The following PNPLA6 variants were observed in gnomAD, a reference collection of about 807,000 sequenced individuals.
PNPLA6 encodes the protein patatin like domain 6, lysophospholipase.
A neutral mutation model predicts 153.7 loss-of-function variants in PNPLA6; 105 were observed. The observed-to-expected ratio is 0.68, with a 90% CI of 0.58 to 0.80. PNPLA6 has a LOEUF of 0.80. Ranked by LOEUF, PNPLA6 falls within the 30% of genes least tolerant of loss-of-function variation. The pLI is 0.00. For missense variants in PNPLA6, 1,423 were observed against 1,919.3 expected, an observed-to-expected ratio of 0.74 and a Z score of 4.83; for synonymous variants, 825 against 822.2, an observed-to-expected ratio of 1.00 and a Z score of -0.06.
chr19:7,535,248 CG>C (rs1364199842), upstream of PNPLA6: 10 of 568,950 alleles, frequency 1.8e-5, no homozygotes, highest in Non-Finnish European at 3.2e-5. This position sits in a 1 kb window ranked among gnomAD's most constrained non-coding sequence, Gnocchi z 5.0. Flanking sequence ...GTTGGACAGG[CG>C]GGCGTCTGGT....
intron 13 of PNPLA6, among the ~76,000 whole-genome samples, chr19:7,547,868 G>T (rs1343884864): frequency 7.5e-5 from 8 of 106,746 alleles, no homozygotes; most frequent in East Asian, 2.9e-4. Context: ...TCACTATGTT[G>T]CCCAGGCTGG....
At chr19:7,535,109 G>T (rs1006700772), upstream of PNPLA6, 5 of 270,408 alleles carry the variant, frequency 1.8e-5, no homozygotes, top group Admixed American at 2.3e-4. The surrounding 1 kb of genome is among the most constrained non-coding windows in gnomAD (Gnocchi z 5.0). Flanking sequence ...GGGTGGTCAG[G>T]CTTGATCAAC....
Position 7,561,476 on chromosome 19 carries a change from C to T in PNPLA6, c.4024-12C>T. On this transcript the variant is annotated splice_polypyrimidine_tract_variant and intron_variant, in intron 31 of 31. Coordinates refer to ENST00000600737, the MANE Select transcript of PNPLA6 (RefSeq NM_001166114.2). ...CCGTGCTGGGTGACGTGTGTGTGACCTTCCCTCGCAGGAGGAGGAGAAGTC... is the reference window on the plus strand; with the variant it reads ...CCGTGCTGGGTGACGTGTGTGTGACTTTCCCTCGCAGGAGGAGGAGAAGTC... The T allele has an allele frequency of 6.2e-7, 1 of 1,600,936 alleles. No individual in the cohort carries two copies. Among genetic ancestry groups the T allele is most frequent in the Non-Finnish European group, 8.5e-7 (1 of 1,173,466 alleles).
In PNPLA6 at chr19:7,535,956, C is replaced by A; in HGVS notation, c.168C>A (p.Ala56=). 6.3e-7 allele frequency: 1 copy of A among 1,584,452 alleles called. No homozygotes were observed. Among genetic ancestry groups the A allele is most frequent in the Non-Finnish European group, 8.6e-7 (1 of 1,168,372 alleles). ...AGGTGCTTGGCGTGATGATCGGGGC[C>A]GGAGTGGCGGTGGTGGTCACGGCCG... ...VPQVLGVMIG[A]GVAVVVTAVL... is the part of the protein sequence containing the mutation. The change falls in exon 1 of 32, where the codon GCC becomes GCA. Residue 56 remains alanine (A), a synonymous_variant. Coordinates refer to ENST00000600737, the MANE Select transcript of PNPLA6 (RefSeq NM_001166114.2). This position sits in a 1 kb window ranked among gnomAD's most constrained non-coding sequence, Gnocchi z 5.0.
At chr19:7,539,241 G>A (rs2023009432) in intron 3 of PNPLA6, among the ~76,000 whole-genome samples, 1 of 152,246 alleles carries the variant, frequency 6.6e-6, no homozygotes, top group African/African-American at 2.4e-5. Flanking sequence ...ACTTTGGGAG[G>A]CTGAGGCGGG....
In PNPLA6 at chr19:7,561,585, C is replaced by T. The variant is rs764341736; in HGVS notation, c.*23C>T. 2.0e-6 allele frequency: 3 copies of T among 1,532,904 alleles called. No individual in the cohort carries two copies. Among genetic ancestry groups the T allele is most frequent in the Admixed American group, 3.8e-5 (2 of 53,274 alleles). 95.0% of individuals were successfully genotyped at this position (1,532,904 alleles called of 1,614,324 possible). A position where few individuals can be genotyped will look rare whatever the true frequency, so the allele number is the denominator to read the frequency against. On this transcript the variant is annotated 3_prime_UTR_variant, in exon 32 of 32. Transcript: ENST00000600737. ...TGAGGACCTCGACAGGGGTCACCCC[C>T]TCCCTCCCACCCCTGGACTGGGCTG...
At position 7,540,532 on chromosome 19, in the gene PNPLA6, G is replaced by A. The variant is rs957228043; in HGVS notation, c.715-98G>A. 9 of 1,118,698 alleles carry A rather than the reference G, an allele frequency of 8.0e-6. No homozygotes were observed. The African/African-American group carries it at 1.1e-4, about 13-fold the overall frequency. The allele number at this position is 1,118,698 out of a possible 1,614,324, so 69.3% of individuals were successfully genotyped here. ...AAGGGTTGGTGGGTTCCCCTGAGAA[G>A]GGATGAGAAGTGTCAGTGATCATTG... On this transcript the variant is annotated intron_variant, in intron 5 of 31. Transcript: ENST00000600737. The surrounding 1 kb of genome is among the most constrained non-coding windows in gnomAD (Gnocchi z 6.8).
At position 7,555,362 on chromosome 19, in the gene PNPLA6, G is replaced by A. The variant is rs1308506965; in HGVS notation, c.2931G>A (p.Gly977=). 2 of 1,542,700 alleles carry A rather than the reference G, an allele frequency of 1.3e-6. No homozygotes were observed. Among genetic ancestry groups the A allele is most frequent in the Non-Finnish European group, 1.8e-6 (2 of 1,139,976 alleles). Reference sequence around the variant, plus strand: ...TTGCCCTTGTGCTAGGCGGGGGCGGGGCCAGGTGAGGGCGGGGCTTGCTCT... The same window carrying A: ...TTGCCCTTGTGCTAGGCGGGGGCGGAGCCAGGTGAGGGCGGGGCTTGCTCT... ...NTIALVLGGG[G]ARGCSHIGVL... The change falls in exon 23 of 32, where the codon GGG becomes GGA. Residue 977 remains glycine, a synonymous_variant. Transcript: ENST00000600737. This position sits in a 1 kb window ranked among gnomAD's most constrained non-coding sequence, Gnocchi z 6.3.
intron 18 of PNPLA6, 66 bp downstream of exon 18, chr19:7,551,503 G>A: frequency 1.5e-6 from 2 of 1,349,482 alleles, no homozygotes; most frequent in Non-Finnish European, 2.1e-6. Flanking sequence ...TGCTGGGAGG[G>A]AAGCCTTCTT....
chr19:7,559,892 C>A lies in PNPLA6; in HGVS notation c.3699+741C>A, dbSNP rs1464665178. Among the ~76,000 whole-genome samples the A allele has an allele frequency of 2.8e-5, 4 of 144,772 alleles. No homozygotes were observed. The South Asian group carries it at 8.7e-4, about 32-fold the overall frequency. The allele number at this position is 144,772 out of a possible 152,430, so 95.0% of individuals were successfully genotyped here. A position where few individuals can be genotyped will look rare whatever the true frequency, so the allele number is the denominator to read the frequency against. On this transcript the variant is annotated intron_variant, in intron 28 of 31. Coordinates refer to ENST00000600737, the MANE Select transcript of PNPLA6 (RefSeq NM_001166114.2). ...TGGTGGCTCATGCATTTAATCCCAGCATTTTGGGAGGCCGAGGTGGGCAGA... is the reference window on the plus strand; with the variant it reads ...TGGTGGCTCATGCATTTAATCCCAGAATTTTGGGAGGCCGAGGTGGGCAGA...
intron 2 of PNPLA6, 77 bp from the exon 3 acceptor site, chr19:7,536,372 G>A: frequency 7.2e-7 from 1 of 1,395,212 alleles, no homozygotes; most frequent in Non-Finnish European, 1.0e-6. Context: ...TTCCTTGATG[G>A]AGACCCCCTG....
At chr19:7,556,210 G>A (rs916187414) in intron 24 of PNPLA6, among the ~76,000 whole-genome samples, 9 of 151,824 alleles carry the variant, frequency 5.9e-5, no homozygotes, top group East Asian at 1.9e-4. Flanking sequence ...TTACAGGCAC[G>A]CCCCACCAGC....
chr19:7,540,081 G>C lies in PNPLA6; in HGVS notation c.554+23G>C, dbSNP rs768391928. The stretch of plus-strand genomic sequence containing the variant: ...CCGGTCAGTGTTGGGGTGCAGGTGG[G>C]GGTGGAGGGCTGCAGACGTGGGGCC... On this transcript the variant is annotated intron_variant, in intron 4 of 31. Coordinates refer to ENST00000600737, the MANE Select transcript of PNPLA6 (RefSeq NM_001166114.2). This position sits in a 1 kb window ranked among gnomAD's most constrained non-coding sequence, Gnocchi z 6.8. 3.1e-6 allele frequency: 5 copies of C among 1,614,034 alleles called. No individual in the cohort carries two copies. Among genetic ancestry groups the C allele is most frequent in the Middle Eastern group, 1.7e-4 (1 of 6,040 alleles).
chr19:7,558,741 C>CTCTCTTTTTTT, intron 27 of PNPLA6, 109 bp from the exon 28 acceptor site: 1 of 726,196 alleles, frequency 1.4e-6, no homozygotes, highest in South Asian at 1.6e-5. Context: ...GGTATTCTCT[C>CTCTCTTTTTTT]TTTTTTTTTT....
Position 7,551,299 on chromosome 19 carries a change from G to A in PNPLA6, c.2185-63G>A. On this transcript the variant is annotated intron_variant, in intron 17 of 31. Transcript: ENST00000600737. ...CCCAGGAGCCCCGGCATAGGAGGGA[G>A]AGGTGGGACCTGGACAGCCGCTTCC... The A allele has an allele frequency of 2.0e-6, 3 of 1,505,570 alleles. No individual in the cohort carries two copies. In the South Asian group the frequency reaches 3.4e-5, roughly 17 times the overall value. The allele number at this position is 1,505,570 out of a possible 1,614,324, so 93.3% of individuals were successfully genotyped here. A position where few individuals can be genotyped will look rare whatever the true frequency, so the allele number is the denominator to read the frequency against.
intron 28 of PNPLA6, among the ~76,000 whole-genome samples, chr19:7,559,656 T>C (rs372663878): frequency 6.6e-6 from 1 of 151,074 alleles, no homozygotes; most frequent in Non-Finnish European, 1.5e-5. Context: ...CTGTGCAACA[T>C]AGCAAAACCC....
At chr19:7,552,895 G>A (rs544762856) in intron 18 of PNPLA6, among the ~76,000 whole-genome samples, 36 of 152,160 alleles carry the variant, frequency 2.4e-4, no homozygotes, top group Admixed American at 6.6e-4. Context: ...GGAGAAAGAG[G>A]CTTTTCTAAG....
chr19:7,535,377 C>G, upstream of PNPLA6: 1 of 736,532 alleles, frequency 1.4e-6, no homozygotes, highest in South Asian at 1.5e-5. This position sits in a 1 kb window ranked among gnomAD's most constrained non-coding sequence, Gnocchi z 5.0. Flanking sequence ...TAGCCTCGCC[C>G]CTGGCAGCTG....
chr19:7,541,782 T>A lies in PNPLA6; in HGVS notation c.1168+98T>A, dbSNP rs574342123. ...AGTTCTGCATAGAGTCAACCTGACCTTGTCCAGCCCCACAGGGACTCCATA... is the reference window on the plus strand; with the variant it reads ...AGTTCTGCATAGAGTCAACCTGACCATGTCCAGCCCCACAGGGACTCCATA... On this transcript the variant is annotated intron_variant, in intron 9 of 31. Transcript: ENST00000600737. This position sits in a 1 kb window ranked among gnomAD's most constrained non-coding sequence, Gnocchi z 5.2. The A allele has an allele frequency of 1.2e-5, 16 of 1,371,184 alleles. No individual in the cohort carries two copies. Among genetic ancestry groups the A allele is most frequent in the Non-Finnish European group, 1.6e-5 (16 of 996,388 alleles). The allele number at this position is 1,371,184 out of a possible 1,614,324, so 84.9% of individuals were successfully genotyped here. A position where few individuals can be genotyped will look rare whatever the true frequency, so the allele number is the denominator to read the frequency against.
Sources: gnomAD v4.1 joint callset for allele counts (sites outside exome capture counted in the v4.1 genomes callset) on GRCh38, gnomAD v4.1.1 for gene constraint, Gnocchi (gnomAD v3.1) non-coding constraint, MANE v1.5 for transcripts, NCBI Gene and HGNC (gene_info 2026-07-23, HGNC 2026-07-21) for gene names.